Variants in PACRG observed in about 807,000 individuals in gnomAD.
PACRG encodes the protein parkin coregulated.
PACRG carries 29 observed loss-of-function variants against 29.7 expected under a neutral mutation model. The ratio of observed to expected loss-of-function variants is 0.98; its 90% CI spans 0.73 to 1.33. PACRG has a LOEUF of 1.33. Ranked by LOEUF, PACRG falls within the 40% of genes most tolerant of loss-of-function variation. The probability of loss-of-function intolerance (pLI) is 0.00; values close to 1 mark genes in which losing one functional copy is unlikely to be tolerated. For missense variants in PACRG, 279 were observed against 316.2 expected (o/e 0.88, Z 0.89); for synonymous variants, 116 against 118.7 (o/e 0.98, Z 0.15).
rs543491402 is a variant in PACRG, at chr6:162,962,491, TG to T, written c.292-99657del. ...ACCCCAATGTGATAGCATTTGGAAG[TG>T]GTGTGTTTTGGGGTAATTAGGTTTA... On this transcript the variant is annotated intron_variant, in intron 2 of 4. Transcript: ENST00000366888. Among the ~76,000 whole-genome samples, 177 of 152,164 alleles carry T rather than the reference TG, an allele frequency of 1.2e-3. No individual in the cohort carries two copies. In the South Asian group the frequency reaches 0.013, roughly 11 times the overall value.
At chr6:162,971,704 T>C (rs1292932283) in intron 2 of PACRG, among the ~76,000 whole-genome samples, 1 of 152,200 alleles carries the variant, frequency 6.6e-6, no homozygotes, top group Non-Finnish European at 1.5e-5. Flanking sequence ...ATAAGGTTTT[T>C]AATATTGTGA....
In PACRG at chr6:162,852,185, C is replaced by T. The variant is rs150460660; in HGVS notation, c.291+37904C>T. On this transcript the variant is annotated intron_variant, in intron 2 of 4. Coordinates refer to ENST00000366888, the MANE Select transcript of PACRG (RefSeq NM_001080379.2). ...TAGAACCCAGGGCTTGATCCTTCTCCGTCTCAGAGGGGCTACAATTCAATC... is the reference window on the plus strand; with the variant it reads ...TAGAACCCAGGGCTTGATCCTTCTCTGTCTCAGAGGGGCTACAATTCAATC... Among the ~76,000 whole-genome samples the T allele has an allele frequency of 4.9e-3, 742 of 152,314 alleles. 7 individuals are homozygous for T. The highest frequency in any genetic ancestry group is 9.3e-3 in the Non-Finnish European group (630 of 68,024).
At chr6:162,801,239 G>A (rs965612580) in intron 1 of PACRG, among the ~76,000 whole-genome samples, 1 of 152,122 alleles carries the variant, frequency 6.6e-6, no homozygotes, top group African/African-American at 2.4e-5. Context: ...CTCCCGAGTA[G>A]CTGGGATTAC....
At position 163,101,006 on chromosome 6, in the gene PACRG, T is replaced by A. The variant is rs1309508591; in HGVS notation, c.613+11598T>A. ...AGCCCTCGAAGATCAATTTACTTTT[T>A]TTGCTCTTAAGTACAGTACTTTAAT... is the stretch of plus-strand genomic sequence containing the variant. On this transcript the variant is annotated intron_variant, in intron 4 of 4. Transcript: ENST00000366888. 4 of 983,932 alleles carry A rather than the reference T, an allele frequency of 4.1e-6. No individual in the cohort carries two copies. The East Asian group carries it at 4.5e-4, about 112-fold the overall frequency. The allele number at this position is 983,932 out of a possible 1,614,324, so 61.0% of individuals were successfully genotyped here.
At chr6:162,859,482 C>T (rs1791677177) in intron 2 of PACRG, among the ~76,000 whole-genome samples, 1 of 152,146 alleles carries the variant, frequency 6.6e-6, no homozygotes, top group African/African-American at 2.4e-5. Flanking sequence ...GGGTTCAGAA[C>T]ACGCTACCCC....
Position 163,031,540 on chromosome 6 carries a change from GT to G in PACRG, c.292-30607del, listed in dbSNP as rs1242159993. ...ATAGTTCTTACAACATAACTTTTTTGTTTGCAGTTTCCCATTTTTACTAAAG... is the reference window on the plus strand; with the variant it reads ...ATAGTTCTTACAACATAACTTTTTTGTTGCAGTTTCCCATTTTTACTAAAG... On this transcript the variant is annotated intron_variant, in intron 2 of 4. Transcript: ENST00000366888. 2.6e-5 allele frequency among the ~76,000 whole-genome samples: 4 copies of G among 152,240 alleles called. No individual in the cohort carries two copies. The East Asian group carries it at 7.7e-4, about 29-fold the overall frequency.
intron 4 of PACRG, among the ~76,000 whole-genome samples, chr6:163,211,617 G>A (rs557740607): frequency 1.4e-4 from 21 of 151,966 alleles, no homozygotes; most frequent in South Asian, 2.1e-4. Flanking sequence ...AATCAATTGC[G>A]CATAATAAAA....
At chr6:163,270,548 T>A (rs1404901444) in intron 4 of PACRG, among the ~76,000 whole-genome samples, 1 of 145,152 alleles carries the variant, frequency 6.9e-6, no homozygotes, top group Non-Finnish European at 1.5e-5. Context: ...TTTTTTTTTT[T>A]ATTTCTTGTA....
At chr6:163,069,753 GATA>G (rs1811875225) in intron 3 of PACRG, among the ~76,000 whole-genome samples, 2 of 152,068 alleles carry the variant, frequency 1.3e-5, no homozygotes, top group Non-Finnish European at 2.9e-5. Context: ...TATGCAAAAG[GATA>G]ATAACAGAGA....
chr6:163,130,480 G>T (rs1249629995), intron 4 of PACRG, among the ~76,000 whole-genome samples: 3 of 151,838 alleles, frequency 2.0e-5, no homozygotes, highest in Non-Finnish European at 4.4e-5. Flanking sequence ...TTTTGAATGT[G>T]TGTCACCTTT....
intron 1 of PACRG, among the ~76,000 whole-genome samples, chr6:162,747,405 T>C (rs1400711429): frequency 5.9e-5 from 2 of 34,090 alleles, no homozygotes; most frequent in African/African-American, 8.8e-4. Context: ...TATATATGTA[T>C]ATATATATAT....
rs532819667 is a variant in PACRG at position 163,048,425 on chromosome 6, G to A, written c.292-13725G>A. 2.6e-5 allele frequency among the ~76,000 whole-genome samples: 4 copies of A among 152,252 alleles called. No individual in the cohort carries two copies. The South Asian group carries it at 8.3e-4, about 32-fold the overall frequency. On this transcript the variant is annotated intron_variant, in intron 2 of 4. Coordinates refer to ENST00000366888, the MANE Select transcript of PACRG (RefSeq NM_001080379.2). Reference sequence around the variant, plus strand: ...AATCTAAAAATGTAAACATGATGTTGAAAAATTCTGGCATTTCTGTGATAT... The same window carrying A: ...AATCTAAAAATGTAAACATGATGTTAAAAAATTCTGGCATTTCTGTGATAT...
intron 3 of PACRG, among the ~76,000 whole-genome samples, chr6:163,066,135 TTG>T (rs1247297474): frequency 6.6e-6 from 1 of 152,132 alleles, no homozygotes; most frequent in Non-Finnish European, 1.5e-5. Context: ...GAGGCACAAT[TTG>T]CCAAAAACTT....
chr6:163,217,451 G>A (rs540757353), intron 4 of PACRG, among the ~76,000 whole-genome samples: 3 of 152,150 alleles, frequency 2.0e-5, no homozygotes, highest in East Asian at 3.9e-4. Flanking sequence ...AGGGGCATCC[G>A]CTCACTTGAA....
At chr6:162,766,950 AT>A (rs1421382407) in intron 1 of PACRG, among the ~76,000 whole-genome samples, 2 of 151,804 alleles carry the variant, frequency 1.3e-5, no homozygotes, top group Non-Finnish European at 2.9e-5. Context: ...TTAAATTTGC[AT>A]TTTCGTTTAT....
chr6:163,031,779 T>A (rs1807690042), intron 2 of PACRG, among the ~76,000 whole-genome samples: 2 of 152,206 alleles, frequency 1.3e-5, no homozygotes, highest in Non-Finnish European at 2.9e-5. Context: ...AATTCCTTTT[T>A]CTGAGATCCC....
chr6:162,852,274 G>A (rs1044670447), intron 2 of PACRG, among the ~76,000 whole-genome samples: 8 of 152,170 alleles, frequency 5.3e-5, no homozygotes, highest in African/African-American at 1.9e-4. Context: ...AGAGTAGGGT[G>A]GGGTTTAAGT....
In PACRG at chr6:162,891,009, T is replaced by C. The variant is rs117046480; in HGVS notation, c.291+76728T>C. 4.5e-4 allele frequency among the ~76,000 whole-genome samples: 69 copies of C among 152,292 alleles called. 1 individual carries two copies. The East Asian group carries it at 0.012, about 26-fold the overall frequency. ...CAGCCATCAGCTTATGATGGGGTCT[T>C]GCTAAGCTGAGTGCCTGCTCCAGGA... On this transcript the variant is annotated intron_variant, in intron 2 of 4. Coordinates refer to ENST00000366888, the MANE Select transcript of PACRG (RefSeq NM_001080379.2).
intron 2 of PACRG, among the ~76,000 whole-genome samples, chr6:163,014,780 T>C (rs1235583417): frequency 6.6e-6 from 1 of 152,212 alleles, no homozygotes; most frequent in Non-Finnish European, 1.5e-5. Context: ...TGCAAATATC[T>C]TCTTCCATTC....
Sources: allele counts gnomAD v4.1 joint callset (sites outside exome capture counted in the v4.1 genomes callset), GRCh38; gene constraint gnomAD v4.1.1; transcripts MANE v1.5; gene names NCBI Gene and HGNC (gene_info 2026-07-23, HGNC 2026-07-21).